TTN: variants seen among roughly 807,000 people sequenced by gnomAD.
TTN encodes the protein titin, also known as connectin.
In TTN, 1,525 loss-of-function variants were observed where a neutral mutation model predicts 3,223.0. The ratio of observed to expected loss-of-function variants is 0.47; its 90% confidence interval spans 0.45 to 0.49. The LOEUF is 0.49. TTN is among the 20% of genes least tolerant of loss of function. TTN has a pLI of 0.00. For synonymous variants in TTN, 14,094 were observed against 15,161.0 expected, an observed-to-expected ratio of 0.93 and a Z score of 5.17; for missense variants, 40,786 against 43,424.0, an observed-to-expected ratio of 0.94 and a Z score of 5.40.
chr2:178,721,912 T>A lies in TTN; in HGVS notation c.22751A>T (p.Gln7584Leu), dbSNP rs530109283. Residue 7584 changes from glutamine (Q) to leucine (L), a missense_variant, in exon 78 of 363, where the codon CAA becomes CTA. Coordinates refer to ENST00000589042, the MANE Select transcript of TTN (RefSeq NM_001267550.2). ...ILKVGKGDSGQYTCQATNDVG... is the reference protein window; with the variant it reads ...ILKVGKGDSGLYTCQATNDVG... ...ATCATTGGTTGCTTGGCAAGTATATTGACCAGAGTCTCCTTTGCCTACTTT... is the reference window on the plus strand; with the variant it reads ...ATCATTGGTTGCTTGGCAAGTATATAGACCAGAGTCTCCTTTGCCTACTTT... 6.2e-7 allele frequency: 1 copy of A among 1,613,482 alleles called. No individual in the cohort carries two copies. Among genetic ancestry groups the A allele is most frequent in the Admixed American group, 1.7e-5 (1 of 59,996 alleles).
rs869312038 is a variant in TTN, at chr2:178,740,588, CTG to C, written c.12643_12644del (p.Gln4215ValfsTer16). On this transcript the variant is annotated frameshift_variant, in exon 48 of 363. Coordinates refer to ENST00000589042, the MANE Select transcript of TTN (RefSeq NM_001267550.2). LOFTEE classifies it high-confidence loss of function. Reference protein sequence around the residue: ...LLAEPEGNYPQSSIEPPMHSY... With the variant: ...LLAEPEGNYPXSSIEPPMHSY... ...AATGCATTGGAGGTTCTATTGAAGACTGTGGATAATTCCCTTCAGGTTCAGCT... is the reference window on the plus strand; with the variant it reads ...AATGCATTGGAGGTTCTATTGAAGACTGGATAATTCCCTTCAGGTTCAGCT... 6.2e-7 allele frequency: 1 copy of C among 1,613,722 alleles called. No individual in the cohort carries two copies. The highest frequency in any genetic ancestry group is 8.5e-7 in the Non-Finnish European group (1 of 1,179,832).
At chr2:178,750,306 T>G in intron 47 of TTN, 1 of 1,613,292 alleles carries the variant, frequency 6.2e-7, no homozygotes, top group Non-Finnish European at 8.5e-7. Context: ...GCTTTCACTT[T>G]AAGCATACTG....
In TTN at chr2:178,794,501, G is replaced by A. The variant is rs549880126; in HGVS notation, c.1296C>T (p.Ala432=). 41 of 1,614,128 alleles carry A rather than the reference G, an allele frequency of 2.5e-5. No individual in the cohort carries two copies. Among genetic ancestry groups the A allele is most frequent in the African/African-American group, 1.9e-4 (14 of 75,022 alleles). Residue 432 remains alanine, a synonymous_variant, in exon 8 of 363, where the codon GCC becomes GCT. Coordinates refer to ENST00000589042, the MANE Select transcript of TTN (RefSeq NM_001267550.2). Reference sequence around the variant, plus strand: ...GTTCTCTCACTCTGGCCATATCAACGGCAGCAACAACAGTCGCAACAGCTG... The same window carrying A: ...GTTCTCTCACTCTGGCCATATCAACAGCAGCAACAACAGTCGCAACAGCTG... The part of the protein sequence containing the change: ...KSAAVATVVA[A]VDMARVREPV...
rs762572524 is a variant in TTN at position 178,693,982 on chromosome 2, C to A, written c.31453G>T (p.Val10485Phe). 3 of 1,612,296 alleles carry A rather than the reference C, an allele frequency of 1.9e-6. No homozygotes were observed. Among genetic ancestry groups the A allele is most frequent in the Non-Finnish European group, 8.5e-7 (1 of 1,178,982 alleles). The part of the protein sequence containing the change: ...KVPAVHTKKM[V>F]ISEEKMFFAS... The stretch of plus-strand genomic sequence containing the variant: ...AAGAACATCTTTTCTTCTGAAATAA[C>A]CATCTTCTTTGTATGCACAGCTGGT... The change falls in exon 118 of 363, where the codon GTT becomes TTT. Residue 10485 changes from valine (V) to phenylalanine (F), a missense_variant. Physicochemically the swap from Val to Phe is conservative, Grantham distance 50. Transcript: ENST00000589042.
intron 47 of TTN, chr2:178,750,015 GCT>G: frequency 6.2e-7 from 1 of 1,613,216 alleles, no homozygotes; most frequent in Non-Finnish European, 8.5e-7. Flanking sequence ...TTAGGTTCCA[GCT>G]CCTCAGTTTG....
At position 178,729,278 on chromosome 2, in the gene TTN, T is replaced by G. The variant is rs778813711; in HGVS notation, c.18868+10A>C. 1 of 1,584,878 alleles carries G rather than the reference T, an allele frequency of 6.3e-7. No individual in the cohort carries two copies. Among genetic ancestry groups the G allele is most frequent in the Admixed American group, 1.8e-5 (1 of 56,098 alleles). ...TTTTTATTTGATAGGCTGCTTCTTGTATAACTGACCTTTCAGGGCAACTCT... is the reference window on the plus strand; with the variant it reads ...TTTTTATTTGATAGGCTGCTTCTTGGATAACTGACCTTTCAGGGCAACTCT... On this transcript the variant is annotated intron_variant, in intron 64 of 362. Transcript: ENST00000589042.
In TTN at chr2:178,612,094, C is replaced by T. The variant is rs879025295; in HGVS notation, c.50317G>A (p.Glu16773Lys). The stretch of plus-strand genomic sequence containing the variant: ...CTTCCACCATCATTTTTAGGTGGCT[C>T]CCACTTTAGGTCAACATGTCGTTTT... ...VTKRHVDLKW[E>K]PPKNDGGRPI... is the part of the protein sequence containing the mutation. Residue 16773 changes from glutamate (E) to lysine (K), a missense_variant, in exon 267 of 363, where the codon GAG (glutamate) becomes AAG (lysine). By Grantham distance (56) the Glu-to-Lys change is moderately conservative. Transcript: ENST00000589042. 3.1e-6 allele frequency: 5 copies of T among 1,611,876 alleles called. No individual in the cohort carries two copies. The highest frequency in any genetic ancestry group is 4.2e-6 in the Non-Finnish European group (5 of 1,178,906).
At position 178,567,729 on chromosome 2, in the gene TTN, A is replaced by C; in HGVS notation, c.78403T>G (p.Trp26135Gly). The change falls in exon 326 of 363, where the codon TGG becomes GGG. Residue 26135 changes from tryptophan (W) to glycine (G), a missense_variant. Coordinates refer to ENST00000589042, the MANE Select transcript of TTN (RefSeq NM_001267550.2). Reference sequence around the variant, plus strand: ...ACATTTGTAAAGCTAGCTTTCATCCAACGACCATCAGGCAAATCACGTTTC... The same window carrying C: ...ACATTTGTAAAGCTAGCTTTCATCCCACGACCATCAGGCAAATCACGTTTC... ...VEKRDLPDGR[W>G]MKASFTNVIE... The C allele has an allele frequency of 6.2e-7, 1 of 1,612,544 alleles. No individual in the cohort carries two copies. Among genetic ancestry groups the C allele is most frequent in the Non-Finnish European group, 8.5e-7 (1 of 1,178,842 alleles).
chr2:178,763,402 C>CA (rs2089714374), intron 43 of TTN, among the ~76,000 whole-genome samples: 1 of 152,172 alleles, frequency 6.6e-6, no homozygotes, highest in South Asian at 2.1e-4. Context: ...TGTTTGGTAA[C>CA]AGTCATTTAA....
intron 143 of TTN, 53 bp from the exon 144 acceptor site, chr2:178,678,550 C>T (rs1225029328): frequency 1.4e-6 from 2 of 1,394,352 alleles, no homozygotes; most frequent in South Asian, 2.8e-5. Flanking sequence ...AATACTGATT[C>T]CAAGCATAGT....
At position 178,613,126 on chromosome 2, in the gene TTN, C is replaced by T. The variant is rs548095545; in HGVS notation, c.49648+35G>A. Reference sequence around the variant, plus strand: ...TTTGTCAAAAAGGAGTTCATATGAACTTCGAAATAACCACAAAAATTATAT... The same window carrying T: ...TTTGTCAAAAAGGAGTTCATATGAATTTCGAAATAACCACAAAAATTATAT... On this transcript the variant is annotated intron_variant, in intron 264 of 362. Transcript: ENST00000589042. 7 of 1,608,640 alleles carry T rather than the reference C, an allele frequency of 4.4e-6. No homozygotes were observed. The African/African-American group carries it at 9.4e-5, about 22-fold the overall frequency.
intron 209 of TTN, 103 bp downstream of exon 209, chr2:178,650,648 A>G (rs565144620): frequency 2.6e-6 from 3 of 1,133,332 alleles, no homozygotes; most frequent in Admixed American, 5.6e-5. Context: ...ATTAAAGGTT[A>G]GAAAATGACC....
At position 178,570,982 on chromosome 2, in the gene TTN, C is replaced by T. The variant is rs372394584; in HGVS notation, c.75150G>A (p.Glu25050=). Residue 25050 remains glutamate, a synonymous_variant, in exon 326 of 363, where the codon GAG becomes GAA. Coordinates refer to ENST00000589042, the MANE Select transcript of TTN (RefSeq NM_001267550.2). The part of the protein sequence containing the change: ...GYIVEKKELP[E]GRWMKASFTN... ...TAAAACTGGCTTTCATCCAACGGCC[C>T]TCAGGTAATTCTTTCTTCTCAACAA... 1 of 1,613,422 alleles carries T rather than the reference C, an allele frequency of 6.2e-7. No homozygotes were observed.
Position 178,593,612 on chromosome 2 carries a change from CTT to C in TTN, c.58686_58687del (p.Ile19562MetfsTer2). 6.2e-7 allele frequency: 1 copy of C among 1,612,864 alleles called. No homozygotes were observed. Among genetic ancestry groups the C allele is most frequent in the Non-Finnish European group, 8.5e-7 (1 of 1,179,490 alleles). ...CATTGAATCAGACACCAGAGGATCA[CTT>C]ATTCCATACAGATTTTCAGCATGTA... On this transcript the variant is annotated frameshift_variant, in exon 298 of 363. Transcript: ENST00000589042. LOFTEE classifies it high-confidence loss of function.
At chr2:178,727,424 GTTAAA>G (rs2154305688) in intron 68 of TTN, 53 bp from the exon 69 acceptor site, 18 of 1,517,254 alleles carry the variant, frequency 1.2e-5, no homozygotes, top group Non-Finnish European at 1.5e-5. Context: ...AATAACAATA[GTTAAA>G]TTAGATAGTA....
chr2:178,604,695 C>A lies in TTN; in HGVS notation c.54381+13G>T. The A allele has an allele frequency of 6.3e-7, 1 of 1,584,124 alleles. No homozygotes were observed. The highest frequency in any genetic ancestry group is 8.6e-7 in the Non-Finnish European group (1 of 1,165,826). ...CTTTTAATGTGTATAAGAAAATATTCAGAAGAGTTTACCCCATATCTTTTC... is the reference window on the plus strand; with the variant it reads ...CTTTTAATGTGTATAAGAAAATATTAAGAAGAGTTTACCCCATATCTTTTC... On this transcript the variant is annotated intron_variant, in intron 281 of 362. Transcript: ENST00000589042.
Position 178,547,024 on chromosome 2 carries a change from T to C in TTN, c.94501A>G (p.Ile31501Val), listed in dbSNP as rs780578358. Residue 31501 changes from isoleucine to valine, a missense_variant, in exon 340 of 363, where the codon ATA becomes GTA. Coordinates refer to ENST00000589042, the MANE Select transcript of TTN (RefSeq NM_001267550.2). ...ATACCAACTGGATTTTGAGCCATTA[T>C]AGGTCTTGAAGCTTCGCTGGCCTTG... ...VSKASEASRP[I>V]MAQNPVDAPG... is the part of the protein sequence containing the mutation. 7.4e-6 allele frequency: 12 copies of C among 1,612,110 alleles called. No individual in the cohort carries two copies. The highest frequency in any genetic ancestry group is 2.5e-6 in the Non-Finnish European group (3 of 1,178,622).
At position 178,573,141 on chromosome 2, in the gene TTN, G is replaced by A. The variant is rs376591763; in HGVS notation, c.72991C>T (p.Arg24331Cys). Residue 24331 changes from arginine (R) to cysteine (C), a missense_variant, in exon 326 of 363, where the codon CGT (arginine) becomes TGT (cysteine). Coordinates refer to ENST00000589042, the MANE Select transcript of TTN (RefSeq NM_001267550.2). ...VFKPGPPGNPRVLDTSRSSIS... is the reference protein window; with the variant it reads ...VFKPGPPGNPCVLDTSRSSIS... ...GATGATCTGCTTGTATCCAGAACAC[G>A]TGGGTTACCTGGTGGTCCAGGTTTA... 4.0e-5 allele frequency: 64 copies of A among 1,613,116 alleles called. No homozygotes were observed. Among genetic ancestry groups the A allele is most frequent in the Non-Finnish European group, 4.5e-5 (53 of 1,179,516 alleles).
At chr2:178,747,466 A>G in intron 47 of TTN, 1 of 1,613,372 alleles carries the variant, frequency 6.2e-7, no homozygotes, top group Non-Finnish European at 8.5e-7. Context: ...ATATTTCTTC[A>G]CTGGTTGTAC....
Sources: gnomAD v4.1 joint callset for allele counts (sites outside exome capture counted in the v4.1 genomes callset) on GRCh38, gnomAD v4.1.1 for gene constraint, MANE v1.5 for transcripts, NCBI Gene and HGNC (gene_info 2026-07-23, HGNC 2026-07-21) for gene names.